UNC13C: variants seen among roughly 807,000 people sequenced by gnomAD.
UNC13C encodes protein unc-13 homolog C.
Under a neutral mutation model 245.4 loss-of-function variants are expected in UNC13C, and 174 were observed. The ratio of observed to expected loss-of-function variants is 0.71; its 90% confidence interval spans 0.63 to 0.80. The LOEUF is 0.80. UNC13C is among the 30% of genes least tolerant of loss of function. UNC13C has a pLI of 0.00. For missense variants in UNC13C, 2,829 were observed against 2,602.9 expected (o/e 1.09, Z -1.89); for synonymous variants, 992 against 895.1 (o/e 1.11, Z -1.93).
At chr15:54,583,816 A>G (rs1380610737) in intron 30 of UNC13C, among the ~76,000 whole-genome samples, 1 of 152,198 alleles carries the variant, frequency 6.6e-6, no homozygotes, top group African/African-American at 2.4e-5. Context: ...CAGAACCCAC[A>G]CATCACACAG....
At chr15:54,449,439 C>T (rs189282000) in intron 19 of UNC13C, among the ~76,000 whole-genome samples, 2 of 152,338 alleles carry the variant, frequency 1.3e-5, no homozygotes, top group African/African-American at 4.8e-5. Context: ...GGTCTTTTCG[C>T]ACAGTCCCAT....
chr15:53,918,793 T>C, the UNC13C span, among the ~76,000 whole-genome samples: 1 of 152,170 alleles, frequency 6.6e-6, no homozygotes, highest in South Asian at 2.1e-4. Context: ...AGAGCCTCTC[T>C]CCCCCACACC....
At chr15:54,468,549 T>G (rs1214709232) in intron 19 of UNC13C, among the ~76,000 whole-genome samples, 1 of 151,702 alleles carries the variant, frequency 6.6e-6, no homozygotes, top group African/African-American at 2.4e-5. Context: ...GATTTTCCCC[T>G]GTGTTTCCTT....
intron 13 of UNC13C, among the ~76,000 whole-genome samples, chr15:54,308,970 G>A (rs1004670380): frequency 6.6e-6 from 1 of 151,770 alleles, no homozygotes; most frequent in Non-Finnish European, 1.5e-5. Flanking sequence ...ATAAATATGG[G>A]TGTGCGGATA....
chr15:54,409,556 A>G (rs1028135220), intron 18 of UNC13C, among the ~76,000 whole-genome samples: 2 of 151,972 alleles, frequency 1.3e-5, no homozygotes, highest in Non-Finnish European at 2.9e-5. Flanking sequence ...GGAGGTCCCA[A>G]TGTCTTTTGT....
rs558490250 is a variant in UNC13C at position 54,314,909 on chromosome 15, A to G, written c.4269-7030A>G. On this transcript the variant is annotated intron_variant, in intron 13 of 32. Transcript: ENST00000260323. ...ATCTTAGAGATCAGAAGCAGACAGT[A>G]ATTCTGTGATATTTGGATTATCTCC... 4.6e-5 allele frequency among the ~76,000 whole-genome samples: 7 copies of G among 151,870 alleles called. No homozygotes were observed. The South Asian group carries it at 1.5e-3, about 31-fold the overall frequency.
At chr15:53,874,369 G>A in the UNC13C span, among the ~76,000 whole-genome samples, 1 of 152,118 alleles carries the variant, frequency 6.6e-6, no homozygotes, top group Admixed American at 6.6e-5. Context: ...TCTTAAATAA[G>A]TTATGCAACT....
intron 4 of UNC13C, among the ~76,000 whole-genome samples, chr15:54,193,388 TCTC>T (rs2034251989): frequency 6.6e-6 from 1 of 152,168 alleles, no homozygotes; most frequent in African/African-American, 2.4e-5. Flanking sequence ...TGTCTTGACA[TCTC>T]CTCATTTAGG....
intron 2 of UNC13C, among the ~76,000 whole-genome samples, chr15:54,083,876 A>G (rs1897018): frequency 0.47 from 71,177 of 152,058 alleles, 18,671 homozygotes; most frequent in Non-Finnish European, 0.6. Context: ...TGATAGGTAC[A>G]TAACCAGTAT....
chr15:54,044,430 T>G (rs1179834794), intron 2 of UNC13C: 1 of 341,734 alleles, frequency 2.9e-6, no homozygotes, highest in Admixed American at 3.4e-5. Flanking sequence ...TAAAGTTTCC[T>G]TGGATGTAGA....
chr15:53,994,037 A>G (rs1471840636), intron 1 of UNC13C, among the ~76,000 whole-genome samples: 1 of 151,934 alleles, frequency 6.6e-6, no homozygotes, highest in African/African-American at 2.4e-5. Flanking sequence ...ATTTCTTCCT[A>G]TTATTTCAAT....
chr15:54,151,820 G>T (rs958017817), intron 4 of UNC13C, among the ~76,000 whole-genome samples: 6 of 145,302 alleles, frequency 4.1e-5, no homozygotes, highest in African/African-American at 1.3e-4. Context: ...AGTTCCTGGC[G>T]CTGGAGCGTT....
chr15:53,939,870 C>T, the UNC13C span, among the ~76,000 whole-genome samples: 1 of 152,078 alleles, frequency 6.6e-6, no homozygotes, highest in South Asian at 2.1e-4. Flanking sequence ...AACCTGCTGG[C>T]TGTTCCATTA....
At chr15:54,626,500 C>G (rs1342387000) in intron 32 of UNC13C, among the ~76,000 whole-genome samples, 2 of 152,038 alleles carry the variant, frequency 1.3e-5, no homozygotes, top group African/African-American at 4.8e-5. Context: ...CATATAAATT[C>G]TACCAAGAGG....
intron 2 of UNC13C, among the ~76,000 whole-genome samples, chr15:54,074,420 AGTGGTAGCTTAAT>A (rs1238629324): frequency 1.3e-5 from 2 of 152,216 alleles, no homozygotes; most frequent in Admixed American, 1.3e-4. Context: ...GAATAAAGTC[AGTGGTAGCTTAAT>A]GGGGATAGCA....
chr15:54,068,583 C>A (rs527296317), intron 2 of UNC13C, among the ~76,000 whole-genome samples: 1 of 152,184 alleles, frequency 6.6e-6, no homozygotes, highest in East Asian at 1.9e-4. Flanking sequence ...TGGTAGTTTA[C>A]GAAAGAAGTC....
chr15:54,326,904 T>C lies in UNC13C; in HGVS notation c.4425+4809T>C, dbSNP rs370816055. On this transcript the variant is annotated intron_variant, in intron 14 of 32. Coordinates refer to ENST00000260323, the MANE Select transcript of UNC13C (RefSeq NM_001080534.3). ...TTGTTAAACACAGCCATCCTTGAAA[T>C]TGGACATATTAAAAGTATTTACAAC... Among the ~76,000 whole-genome samples the C allele has an allele frequency of 5.3e-5, 8 of 152,094 alleles. No homozygotes were observed. In the East Asian group the frequency reaches 5.8e-4, roughly 11 times the overall value.
At chr15:54,250,939 G>A (rs1053475055) in intron 8 of UNC13C, among the ~76,000 whole-genome samples, 6 of 151,496 alleles carry the variant, frequency 4.0e-5, no homozygotes, top group African/African-American at 1.5e-4. Flanking sequence ...TGTATTTTTA[G>A]TAGAGACGGG....
At chr15:54,072,605 C>A (rs1047215276) in intron 2 of UNC13C, among the ~76,000 whole-genome samples, 2 of 152,054 alleles carry the variant, frequency 1.3e-5, no homozygotes, top group African/African-American at 4.8e-5. Flanking sequence ...ACTACGTTTT[C>A]TTTTTTCATA....
Sources: gnomAD v4.1 joint callset for allele counts (sites outside exome capture counted in the v4.1 genomes callset) on GRCh38, gnomAD v4.1.1 for gene constraint, MANE v1.5 for transcripts, NCBI Gene and HGNC (gene_info 2026-07-23, HGNC 2026-07-21) for gene names.